Variants in CDH13 observed in about 807,000 individuals in gnomAD.
The protein encoded by CDH13 is cadherin 13.
In CDH13, 24 loss-of-function variants were observed where a neutral mutation model predicts 63.8. The ratio of observed to expected loss-of-function variants is 0.38; its 90% confidence interval spans 0.27 to 0.53. The LOEUF is 0.53. Ranked by LOEUF, CDH13 falls within the 20% of genes least tolerant of loss-of-function variation. The pLI is 0.85. For synonymous variants in CDH13, 503 were observed against 355.3 expected (o/e 1.42, Z -4.67); for missense variants, 1,049 against 903.1 (o/e 1.16, Z -2.07).
chr16:82,692,293 C>G (rs541334858), intron 1 of CDH13, among the ~76,000 whole-genome samples: 1 of 152,330 alleles, frequency 6.6e-6, no homozygotes, highest in African/African-American at 2.4e-5. Flanking sequence ...TTAGTCTGTT[C>G]TCACCCTGCT....
chr16:83,117,540 G>T (rs2035364328), intron 3 of CDH13, among the ~76,000 whole-genome samples: 1 of 151,466 alleles, frequency 6.6e-6, no homozygotes. Flanking sequence ...TCTGTGGTTT[G>T]CCCCCTCTCT....
At chr16:83,006,301 A>T (rs1484328362) in intron 2 of CDH13, among the ~76,000 whole-genome samples, 1 of 152,200 alleles carries the variant, frequency 6.6e-6, no homozygotes, top group Non-Finnish European at 1.5e-5. Flanking sequence ...ACCTTTCCTT[A>T]ATACAGAGAG....
At chr16:83,106,792 T>C (rs1039239745) in intron 3 of CDH13, among the ~76,000 whole-genome samples, 16 of 152,212 alleles carry the variant, frequency 1.1e-4, no homozygotes, top group African/African-American at 3.9e-4. Context: ...TCCACTAAAA[T>C]GCTATTCTGT....
intron 1 of CDH13, among the ~76,000 whole-genome samples, chr16:82,842,531 C>G (rs1010796343): frequency 6.6e-6 from 1 of 152,052 alleles, no homozygotes; most frequent in Non-Finnish European, 1.5e-5. Context: ...ACTCACCCCT[C>G]CATGAGGACT....
chr16:82,722,329 C>T (rs555825731), intron 1 of CDH13, among the ~76,000 whole-genome samples: 1 of 152,138 alleles, frequency 6.6e-6, no homozygotes, highest in Non-Finnish European at 1.5e-5. Flanking sequence ...TCTATGGTGA[C>T]TTCACTCTCA....
intron 4 of CDH13, among the ~76,000 whole-genome samples, chr16:83,158,572 G>A (rs1354405851): frequency 2.0e-5 from 3 of 152,210 alleles, no homozygotes; most frequent in Non-Finnish European, 4.4e-5. Flanking sequence ...CCATCTACGG[G>A]CGCACTGTTC....
At chr16:82,873,402 T>A (rs374873837) in intron 2 of CDH13, among the ~76,000 whole-genome samples, 15 of 152,334 alleles carry the variant, frequency 9.8e-5, no homozygotes, top group African/African-American at 3.6e-4. Flanking sequence ...CCATTATCTT[T>A]CCATATGGAA....
intron 8 of CDH13, among the ~76,000 whole-genome samples, chr16:83,607,750 A>AC (rs1281924739): frequency 6.6e-6 from 1 of 152,234 alleles, no homozygotes; most frequent in Non-Finnish European, 1.5e-5. Context: ...AATAGCTTGT[A>AC]CGTATGACTT....
chr16:83,589,537 A>G (rs1350730694), intron 7 of CDH13, among the ~76,000 whole-genome samples: 1 of 151,682 alleles, frequency 6.6e-6, no homozygotes, highest in Admixed American at 6.6e-5. Context: ...TGTGCCACCT[A>G]AGGTAAAATA....
In CDH13 at chr16:82,721,769, C is replaced by G. The variant is rs2032786676; in HGVS notation, c.45+94632C>G. ...TCAAAGCCATTAGGAATTGTAGGCACTGTACTTCCAGTGAGCTAAGTTTTG... is the reference window on the plus strand; with the variant it reads ...TCAAAGCCATTAGGAATTGTAGGCAGTGTACTTCCAGTGAGCTAAGTTTTG... On this transcript the variant is annotated intron_variant, in intron 1 of 13. Coordinates refer to ENST00000567109, the MANE Select transcript of CDH13 (RefSeq NM_001257.5). Among the ~76,000 whole-genome samples, 7 of 152,254 alleles carry G rather than the reference C, an allele frequency of 4.6e-5. 1 individual carries two copies. The South Asian group carries it at 1.5e-3, about 32-fold the overall frequency.
At chr16:82,889,451 C>A (rs2151218903) in intron 2 of CDH13, among the ~76,000 whole-genome samples, 1 of 152,314 alleles carries the variant, frequency 6.6e-6, no homozygotes, top group Non-Finnish European at 1.5e-5. Context: ...ATACAAGTAG[C>A]AAACTTGGAT....
chr16:82,774,155 T>C (rs1933181440), intron 1 of CDH13, among the ~76,000 whole-genome samples: 1 of 152,116 alleles, frequency 6.6e-6, no homozygotes, highest in Non-Finnish European at 1.5e-5. Context: ...CTTCCCTAAT[T>C]GGTTGCCAAC....
At chr16:83,374,311 C>T (rs879344968) in intron 6 of CDH13, among the ~76,000 whole-genome samples, 16 of 152,152 alleles carry the variant, frequency 1.1e-4, no homozygotes, top group Admixed American at 1.0e-3. Context: ...AAATGAATAA[C>T]CATGTGACCC....
chr16:82,649,614 G>A (rs1360356264), intron 1 of CDH13, among the ~76,000 whole-genome samples: 1 of 152,160 alleles, frequency 6.6e-6, no homozygotes, highest in Non-Finnish European at 1.5e-5. Context: ...TCAGAGCATG[G>A]CATGTATGAG....
Position 82,711,679 on chromosome 16 carries a change from C to T in CDH13, c.45+84542C>T, listed in dbSNP as rs534296170. Among the ~76,000 whole-genome samples, 11 of 152,286 alleles carry T rather than the reference C, an allele frequency of 7.2e-5. No individual in the cohort carries two copies. In the South Asian group the frequency reaches 1.7e-3, roughly 23 times the overall value. ...GGGGAAAGTCAGGACTGGGATCCAGCGTATAGTCACTTGCTACGGCTATTC... is the reference window on the plus strand; with the variant it reads ...GGGGAAAGTCAGGACTGGGATCCAGTGTATAGTCACTTGCTACGGCTATTC... On this transcript the variant is annotated intron_variant, in intron 1 of 13. Transcript: ENST00000567109.
chr16:82,857,224 C>T (rs571578507), intron 1 of CDH13, among the ~76,000 whole-genome samples: 13 of 152,264 alleles, frequency 8.5e-5, no homozygotes, highest in Admixed American at 5.2e-4. Context: ...ATTTCGAGTT[C>T]GTCTTCTATA....
At chr16:82,682,900 C>T (rs750282779) in intron 1 of CDH13, among the ~76,000 whole-genome samples, 2 of 152,264 alleles carry the variant, frequency 1.3e-5, no homozygotes, top group African/African-American at 2.4e-5. Context: ...GAGCAGAAAA[C>T]ACACAGCCAT....
intron 6 of CDH13, among the ~76,000 whole-genome samples, chr16:83,474,411 C>G (rs1474981714): frequency 6.6e-6 from 1 of 152,164 alleles, no homozygotes; most frequent in African/African-American, 2.4e-5. Context: ...GGATTCCACT[C>G]TCAAGGCCCC....
At chr16:82,775,393 T>C (rs16958587) in intron 1 of CDH13, among the ~76,000 whole-genome samples, 12,431 of 152,218 alleles carry the variant, frequency 0.082, 621 homozygotes, top group East Asian at 0.23. Context: ...CATGGGGAAG[T>C]TATTTACCTT....
Sources: gnomAD v4.1 joint callset for allele counts (sites outside exome capture counted in the v4.1 genomes callset) on GRCh38, gnomAD v4.1.1 for gene constraint, MANE v1.5 for transcripts, NCBI Gene and HGNC (gene_info 2026-07-23, HGNC 2026-07-21) for gene names.